The following ABTB3 variants were observed in gnomAD, a reference collection of about 807,000 sequenced individuals.
ABTB3 encodes ankyrin repeat- and BTB/POZ domain-containing protein 3.
At chr12:107,545,393 C>T in the ABTB3 span, among the ~76,000 whole-genome samples, 1 of 151,902 alleles carries the variant, frequency 6.6e-6, no homozygotes, top group Non-Finnish European at 1.5e-5. Flanking sequence ...ACAGTCATGC[C>T]CCACCACACC....
At chr12:107,552,224 A>G in the ABTB3 span, among the ~76,000 whole-genome samples, 1,309 of 152,342 alleles carry the variant, frequency 8.6e-3, 25 homozygotes, top group African/African-American at 0.028. Flanking sequence ...GCTCCTAGCC[A>G]TTAGTCTGTT....
the ABTB3 span, among the ~76,000 whole-genome samples, chr12:107,653,588 A>G: frequency 6.6e-6 from 1 of 152,112 alleles, no homozygotes; most frequent in Non-Finnish European, 1.5e-5. Context: ...GTCTTAAGAC[A>G]GCATTCAGTG....
the ABTB3 span, among the ~76,000 whole-genome samples, chr12:107,530,178 G>C: frequency 1.3e-5 from 2 of 152,188 alleles, no homozygotes; most frequent in African/African-American, 2.4e-5. Flanking sequence ...GAGATGGTTA[G>C]CTCAACCAAG....
At chr12:107,492,704 C>T in the ABTB3 span, among the ~76,000 whole-genome samples, 1 of 152,114 alleles carries the variant, frequency 6.6e-6, no homozygotes, top group Non-Finnish European at 1.5e-5. Flanking sequence ...TCTGCCCTGT[C>T]CTTCCAGAGG....
chr12:107,488,712 T>C, the ABTB3 span, among the ~76,000 whole-genome samples: 1 of 151,292 alleles, frequency 6.6e-6, no homozygotes, highest in Admixed American at 6.6e-5. Flanking sequence ...TTTTAACAAT[T>C]TTTAAGTATA....
the ABTB3 span, chr12:107,615,221 C>A: frequency 7.6e-7 from 1 of 1,322,948 alleles, no homozygotes; most frequent in Non-Finnish European, 1.1e-6. Flanking sequence ...CCATAACACA[C>A]ATCTATACCT....
chr12:107,352,867 T>C, the ABTB3 span, among the ~76,000 whole-genome samples: 1 of 152,110 alleles, frequency 6.6e-6, no homozygotes, highest in Admixed American at 6.5e-5. Context: ...CACTGGCCTA[T>C]ATGAACCACC....
At chr12:107,496,992 A>T in the ABTB3 span, among the ~76,000 whole-genome samples, 2 of 152,132 alleles carry the variant, frequency 1.3e-5, no homozygotes, top group Admixed American at 6.5e-5. Context: ...AGGTAGTAGG[A>T]ATCAAGTCAT....
chr12:107,389,448 C>T, the ABTB3 span, among the ~76,000 whole-genome samples: 175 of 151,220 alleles, frequency 1.2e-3, 5 homozygotes, highest in South Asian at 0.032. Context: ...ATGATAGAGC[C>T]GGACAGTCTG....
At chr12:107,340,096 A>G in the ABTB3 span, among the ~76,000 whole-genome samples, 2 of 152,168 alleles carry the variant, frequency 1.3e-5, no homozygotes, top group Non-Finnish European at 2.9e-5. Flanking sequence ...ATTGTTGTGA[A>G]TACTGAAGTC....
the ABTB3 span, among the ~76,000 whole-genome samples, chr12:107,444,727 A>G: frequency 6.6e-6 from 1 of 152,116 alleles, no homozygotes; most frequent in Admixed American, 6.5e-5. Flanking sequence ...GCAAATGAAT[A>G]AACTTCAAAA....
the ABTB3 span, among the ~76,000 whole-genome samples, chr12:107,435,075 G>T: frequency 6.6e-6 from 1 of 152,112 alleles, no homozygotes; most frequent in Admixed American, 6.5e-5. Context: ...CTTAGCTGAG[G>T]TTTCTTTTTT....
the ABTB3 span, chr12:107,319,467 C>A: frequency 6.9e-6 from 11 of 1,605,344 alleles, no homozygotes; most frequent in Admixed American, 1.5e-4. Context: ...GGCCTGGCCG[C>A]GCACTGTACG....
At chr12:107,516,495 G>A in the ABTB3 span, among the ~76,000 whole-genome samples, 551 of 152,258 alleles carry the variant, frequency 3.6e-3, 2 homozygotes, top group African/African-American at 0.013. Context: ...GCCTCCCAAA[G>A]TGCTGGGATT....
chr12:107,501,333 G>A, the ABTB3 span, among the ~76,000 whole-genome samples: 2 of 151,944 alleles, frequency 1.3e-5, no homozygotes, highest in Non-Finnish European at 2.9e-5. Flanking sequence ...GCAGCTTGTT[G>A]GAGGAAGTGG....
At chr12:107,478,792 G>T in the ABTB3 span, among the ~76,000 whole-genome samples, 14 of 152,120 alleles carry the variant, frequency 9.2e-5, no homozygotes, top group African/African-American at 3.1e-4. Context: ...TCCAAGAGTT[G>T]CTTCCTTGCC....
At chr12:107,385,374 G>A in the ABTB3 span, among the ~76,000 whole-genome samples, 1 of 152,208 alleles carries the variant, frequency 6.6e-6, no homozygotes, top group African/African-American at 2.4e-5. Flanking sequence ...GCAAAGGTGT[G>A]TAGGTCAACA....
chr12:107,535,925 A>G, the ABTB3 span, among the ~76,000 whole-genome samples: 1 of 152,142 alleles, frequency 6.6e-6, no homozygotes, highest in African/African-American at 2.4e-5. Flanking sequence ...ATGGAAATAC[A>G]AAAAACCCTA....
chr12:107,475,454 C>A, the ABTB3 span, among the ~76,000 whole-genome samples: 6 of 152,196 alleles, frequency 3.9e-5, no homozygotes, highest in African/African-American at 1.4e-4. Flanking sequence ...ATTTCCATCA[C>A]CCAGGGCATG....
Sources: gnomAD v4.1 joint callset for allele counts (sites outside exome capture counted in the v4.1 genomes callset) on GRCh38, gnomAD v4.1.1 for gene constraint, MANE v1.5 for transcripts, NCBI Gene and HGNC (gene_info 2026-07-23, HGNC 2026-07-21) for gene names.